RIMKLA: variants seen among roughly 807,000 people sequenced by gnomAD.
RIMKLA encodes the protein N-acetylaspartylglutamate synthase A.
A neutral mutation model predicts 32.7 loss-of-function variants in RIMKLA; 14 were observed. That is an observed-to-expected ratio of 0.43 (90% confidence interval 0.28 to 0.67). The LOEUF (loss-of-function observed/expected upper bound fraction) is 0.67. Among genes scored for constraint, RIMKLA ranks in the 30% least tolerant of loss-of-function variants. The probability of loss-of-function intolerance (pLI) is 0.18; values close to 1 mark genes in which losing one functional copy is unlikely to be tolerated. For synonymous variants in RIMKLA, 176 were observed against 204.1 expected, an observed-to-expected ratio of 0.86 and a Z score of 1.18; for missense variants, 410 against 519.0, an observed-to-expected ratio of 0.79 and a Z score of 2.04.
chr1:42,401,346 G>T (rs1035477708), intron 2 of RIMKLA, among the ~76,000 whole-genome samples: 17 of 151,792 alleles, frequency 1.1e-4, no homozygotes, highest in African/African-American at 4.1e-4. Context: ...ACAGGAAGAG[G>T]AATCTATAAA....
rs186645800 is a variant in RIMKLA, at chr1:42,392,900, G to A, written c.164-6504G>A. On this transcript the variant is annotated intron_variant, in intron 1 of 4. Coordinates refer to ENST00000431473, the MANE Select transcript of RIMKLA (RefSeq NM_173642.4). ...CCAGCTACTCAGGAAGCTGAGGCAGGAGAATCACTTGAGCCCGGGAGGCAG... is the reference window on the plus strand; with the variant it reads ...CCAGCTACTCAGGAAGCTGAGGCAGAAGAATCACTTGAGCCCGGGAGGCAG... 3.3e-5 allele frequency among the ~76,000 whole-genome samples: 5 copies of A among 152,314 alleles called. No individual in the cohort carries two copies. The South Asian group carries it at 8.3e-4, about 25-fold the overall frequency.
intron 1 of RIMKLA, among the ~76,000 whole-genome samples, chr1:42,398,775 T>C (rs1643068618): frequency 6.6e-6 from 1 of 152,040 alleles, no homozygotes; most frequent in Admixed American, 6.6e-5. Context: ...GAGATCAGCC[T>C]GGGCAACATG....
chr1:42,412,696 A>G (rs1643210227), intron 4 of RIMKLA: 1 of 462,740 alleles, frequency 2.2e-6, no homozygotes, highest in Non-Finnish European at 4.2e-6. Flanking sequence ...AAACCAGATG[A>G]TGACTTTGGA....
At chr1:42,409,932 C>T (rs942472230) in intron 3 of RIMKLA, 52 bp from the exon 4 acceptor site, 2 of 1,427,518 alleles carry the variant, frequency 1.4e-6, no homozygotes, top group African/African-American at 2.8e-5. Context: ...ATGGCAAGTA[C>T]AGAGTCCAGA....
chr1:42,395,482 G>A (rs1458023582), intron 1 of RIMKLA, among the ~76,000 whole-genome samples: 3 of 151,956 alleles, frequency 2.0e-5, no homozygotes, highest in Non-Finnish European at 4.4e-5. Flanking sequence ...CCAAGTTAGG[G>A]TGATACCCAA....
chr1:42,405,548 C>G lies in RIMKLA; in HGVS notation c.481+951C>G, dbSNP rs116101577. ...GCATCTGGAGTGAGGGAAGGTCACC[C>G]TAAATAGATACATAGTGAGCAACTA... is the stretch of plus-strand genomic sequence containing the variant. On this transcript the variant is annotated intron_variant, in intron 3 of 4. Coordinates refer to ENST00000431473, the MANE Select transcript of RIMKLA (RefSeq NM_173642.4). Among the ~76,000 whole-genome samples the G allele has an allele frequency of 8.7e-3, 1,317 of 152,186 alleles. 23 individuals are homozygous for G. The highest frequency in any genetic ancestry group is 0.031 in the African/African-American group (1,271 of 41,522).
chr1:42,381,311 G>T (rs1469365035), intron 1 of RIMKLA, among the ~76,000 whole-genome samples: 2 of 152,254 alleles, frequency 1.3e-5, no homozygotes, highest in South Asian at 2.1e-4. Context: ...CAAGATTCGA[G>T]AACGCGATTT....
rs372728410 is a variant in RIMKLA at position 42,415,211 on chromosome 1, T to C, written c.*237T>C. 1.6e-4 allele frequency: 74 copies of C among 462,304 alleles called. No individual in the cohort carries two copies. The highest frequency in any genetic ancestry group is 1.1e-3 in the African/African-American group (54 of 51,328). 28.6% of individuals were successfully genotyped at this position (462,304 alleles called of 1,614,324 possible). On this transcript the variant is annotated 3_prime_UTR_variant, in exon 5 of 5. Coordinates refer to ENST00000431473, the MANE Select transcript of RIMKLA (RefSeq NM_173642.4). ...GACTGATCAGTATGAGACTGATGTC[T>C]GCTGTGAGCACGTGGATATTACGGC...
intron 1 of RIMKLA, among the ~76,000 whole-genome samples, chr1:42,393,787 T>A (rs79540325): frequency 0.15 from 22,792 of 151,950 alleles, 1,803 homozygotes; most frequent in East Asian, 0.22. Context: ...ACTTTTATTT[T>A]TTTATTTATT....
intron 1 of RIMKLA, 77 bp from the exon 2 acceptor site, chr1:42,399,324 TGAA>T (rs948741416): frequency 2.7e-5 from 29 of 1,071,088 alleles, no homozygotes; most frequent in Non-Finnish European, 3.8e-5. Context: ...GGTTCAGTCT[TGAA>T]GAGTCTGTTG....
intron 1 of RIMKLA, among the ~76,000 whole-genome samples, chr1:42,387,190 G>A (rs907773252): frequency 3.3e-5 from 5 of 152,236 alleles, no homozygotes; most frequent in East Asian, 3.9e-4. Context: ...GCAGTGAGCC[G>A]AGATTGAGCC....
chr1:42,396,800 G>A (rs1016090095), intron 1 of RIMKLA, among the ~76,000 whole-genome samples: 3 of 152,142 alleles, frequency 2.0e-5, no homozygotes, highest in African/African-American at 7.2e-5. Flanking sequence ...CCTTACATAT[G>A]TATAGCATTT....
At chr1:42,381,227 T>G (rs1425674303) in intron 1 of RIMKLA, 130 bp downstream of exon 1, 3 of 617,888 alleles carry the variant, frequency 4.9e-6, no homozygotes, top group Non-Finnish European at 7.0e-6. Flanking sequence ...GCACTCTAGC[T>G]GCGAGACTTC....
chr1:42,413,642 T>G (rs1308717156), intron 4 of RIMKLA, among the ~76,000 whole-genome samples: 1 of 152,012 alleles, frequency 6.6e-6, no homozygotes, highest in East Asian at 2.0e-4. Flanking sequence ...TTACAGTCTT[T>G]TCTTCTGAGA....
At chr1:42,396,796 A>C (rs953102126) in intron 1 of RIMKLA, among the ~76,000 whole-genome samples, 1 of 152,214 alleles carries the variant, frequency 6.6e-6, no homozygotes, top group African/African-American at 2.4e-5. Context: ...AGTGCCTTAC[A>C]TATGTATAGC....
chr1:42,393,486 C>G (rs1643016795), intron 1 of RIMKLA, among the ~76,000 whole-genome samples: 1 of 152,120 alleles, frequency 6.6e-6, no homozygotes, highest in Non-Finnish European at 1.5e-5. Flanking sequence ...TAAATCACCT[C>G]AAAATCACAG....
chr1:42,399,337 G>T, intron 1 of RIMKLA, 67 bp from the exon 2 acceptor site: 1 of 1,197,958 alleles, frequency 8.3e-7, no homozygotes, highest in Non-Finnish European at 1.2e-6. Context: ...AGAGTCTGTT[G>T]GAACCATTTC....
rs573930955 is a variant in RIMKLA, at chr1:42,419,984, C to G, written c.*5010C>G. On this transcript the variant is annotated 3_prime_UTR_variant, in exon 5 of 5. Transcript: ENST00000431473. ...CTGTTCGATGCACATGCTCCAGTTT[C>G]AATCAGCAACAAGGTCAAAAGTTTC... 1 of 152,410 alleles carries G rather than the reference C, an allele frequency of 6.6e-6. No homozygotes were observed. The highest frequency in any genetic ancestry group is 2.4e-5 in the African/African-American group (1 of 41,592). The allele number at this position is 152,410 out of a possible 1,614,324, so 9.4% of individuals were successfully genotyped here. A position where few individuals can be genotyped will look rare whatever the true frequency, so the allele number is the denominator to read the frequency against.
intron 1 of RIMKLA, among the ~76,000 whole-genome samples, chr1:42,387,160 G>T (rs1322553238): frequency 6.6e-6 from 1 of 152,198 alleles, no homozygotes; most frequent in Non-Finnish European, 1.5e-5. Context: ...AGAATCACTT[G>T]AACCTGGGAG....
Sources: gnomAD v4.1 joint callset for allele counts (sites outside exome capture counted in the v4.1 genomes callset) on GRCh38, gnomAD v4.1.1 for gene constraint, MANE v1.5 for transcripts, NCBI Gene and HGNC (gene_info 2026-07-23, HGNC 2026-07-21) for gene names.